FAM184A: variants seen among roughly 807,000 people sequenced by gnomAD.
FAM184A encodes family with sequence similarity 184 member A, also known as protein FAM184A.
FAM184A carries 99 observed loss-of-function variants against 143.8 expected under a neutral mutation model. That is an observed-to-expected ratio of 0.69 (90% CI 0.58 to 0.81). The LOEUF (loss-of-function observed/expected upper bound fraction) is 0.81, where lower values mean the gene tolerates loss of function less well. Among genes scored for constraint, FAM184A ranks in the 40% least tolerant of loss-of-function variants. The pLI is 0.00. For missense variants in FAM184A, 1,217 were observed against 1,310.5 expected, an observed-to-expected ratio of 0.93 and a Z score of 1.10; for synonymous variants, 427 against 446.4, an observed-to-expected ratio of 0.96 and a Z score of 0.55.
At chr6:119,094,379 CA>C (rs1172477595) in intron 1 of FAM184A, among the ~76,000 whole-genome samples, 2 of 151,688 alleles carry the variant, frequency 1.3e-5, no homozygotes, top group Non-Finnish European at 2.9e-5. Context: ...TGGCATTTCA[CA>C]AAAGCCAGTC....
At chr6:118,975,311 T>C (rs1264745250) in intron 12 of FAM184A, 103 bp from the exon 13 acceptor site, 46 of 840,504 alleles carry the variant, frequency 5.5e-5, no homozygotes, top group Non-Finnish European at 7.7e-5. Context: ...AATGTAATCA[T>C]TCTGACATTG....
In FAM184A at chr6:119,006,613, AAGTAAAT is replaced by A. The variant is rs2114648441; in HGVS notation, c.1654-12_1654-6del. The A allele has an allele frequency of 6.2e-7, 1 of 1,604,700 alleles. No homozygotes were observed. Among genetic ancestry groups the A allele is most frequent in the African/African-American group, 1.3e-5 (1 of 74,508 alleles). On this transcript the variant is annotated splice_region_variant and splice_polypyrimidine_tract_variant and intron_variant, in intron 6 of 17. Transcript: ENST00000338891. Reference sequence around the variant, plus strand: ...CATATCTTGGAGGTGGCCAATCTGTAAGTAAATAGAGTACTTTTAATATATTTCATTG... The same window carrying A: ...CATATCTTGGAGGTGGCCAATCTGTAAGAGTACTTTTAATATATTTCATTG...
At chr6:119,080,667 C>T (rs1451473070), upstream of FAM184A, among the ~76,000 whole-genome samples, 1 of 152,190 alleles carries the variant, frequency 6.6e-6, no homozygotes, top group African/African-American at 2.4e-5. Context: ...ACTGGTTGAG[C>T]TTCCCAAATC....
chr6:119,055,314 T>C (rs1786923136), intron 1 of FAM184A, among the ~76,000 whole-genome samples: 1 of 152,234 alleles, frequency 6.6e-6, no homozygotes, highest in African/African-American at 2.4e-5. Flanking sequence ...AGTTGGGTTG[T>C]TTCCATTCTT....
At position 119,024,042 on chromosome 6, in the gene FAM184A, T is replaced by C. The variant is rs769859030; in HGVS notation, c.931A>G (p.Met311Val). The C allele has an allele frequency of 3.1e-6, 5 of 1,614,114 alleles. No individual in the cohort carries two copies. The East Asian group carries it at 6.7e-5, about 22-fold the overall frequency. Residue 311 changes from methionine to valine, a missense_variant, in exon 2 of 18, where the codon ATG (methionine) becomes GTG (valine). Physicochemically the swap from Met to Val is conservative, Grantham distance 21. Transcript: ENST00000338891. ...AGACTTCCAGCTTCATCCTGTACCATCTGTAACTCTGTCTTTAATTTTCCT... is the reference window on the plus strand; with the variant it reads ...AGACTTCCAGCTTCATCCTGTACCACCTGTAACTCTGTCTTTAATTTTCCT... ...TIGKLKTELQ[M>V]VQDEAGSLLD... is the part of the protein sequence containing the mutation.
chr6:118,998,874 G>A (rs143752591), intron 9 of FAM184A, among the ~76,000 whole-genome samples: 3 of 152,322 alleles, frequency 2.0e-5, no homozygotes, highest in Non-Finnish European at 4.4e-5. Flanking sequence ...ATTGTGGTAG[G>A]TAGTCACCAG....
At chr6:119,025,439 C>T in intron 1 of FAM184A, 2 of 518,530 alleles carry the variant, frequency 3.9e-6, no homozygotes, top group Non-Finnish European at 7.7e-6. Flanking sequence ...TACTTTTTCT[C>T]TTCATATTTC....
At chr6:119,072,717 A>C (rs1452386264) in intron 1 of FAM184A, among the ~76,000 whole-genome samples, 1 of 152,206 alleles carries the variant, frequency 6.6e-6, no homozygotes, top group Non-Finnish European at 1.5e-5. Flanking sequence ...TCAAATACTT[A>C]TAATGTAGAC....
At chr6:119,145,278 G>A (rs964187303) in intron 1 of FAM184A, among the ~76,000 whole-genome samples, 3 of 152,166 alleles carry the variant, frequency 2.0e-5, no homozygotes, top group African/African-American at 7.2e-5. Flanking sequence ...TCCTCCCATT[G>A]TCTGCTAGGC....
At chr6:119,113,741 G>A (rs187993752) in intron 1 of FAM184A, among the ~76,000 whole-genome samples, 10 of 152,136 alleles carry the variant, frequency 6.6e-5, no homozygotes, top group African/African-American at 2.2e-4. Context: ...AGGAGTTCGA[G>A]CCAGCCTGGC....
At chr6:119,027,820 AC>A (rs1240567275) in intron 1 of FAM184A, among the ~76,000 whole-genome samples, 2 of 152,168 alleles carry the variant, frequency 1.3e-5, no homozygotes, top group African/African-American at 4.8e-5. Flanking sequence ...TTTAGCTATT[AC>A]CCTTTGTTTT....
intron 1 of FAM184A, among the ~76,000 whole-genome samples, chr6:119,047,143 G>C (rs982228759): frequency 6.6e-6 from 1 of 152,104 alleles, no homozygotes; most frequent in Admixed American, 6.5e-5. Context: ...CAACATTATT[G>C]ATTATCAGAG....
intron 1 of FAM184A, among the ~76,000 whole-genome samples, chr6:119,120,806 CTCTTTCTT>C (rs67153836): frequency 1.5e-5 from 2 of 134,656 alleles, no homozygotes; most frequent in South Asian, 4.7e-4. Flanking sequence ...GATGGTTTTT[CTCTTTCTT>C]TCTTTCTTTC....
At chr6:118,999,565 CTG>C (rs1784684390) in intron 9 of FAM184A, among the ~76,000 whole-genome samples, 1 of 152,152 alleles carries the variant, frequency 6.6e-6, no homozygotes, top group African/African-American at 2.4e-5. Context: ...TGTCACTCCT[CTG>C]TGTTCATCCT....
chr6:119,071,699 A>G (rs1032407865), intron 1 of FAM184A, among the ~76,000 whole-genome samples: 3 of 152,098 alleles, frequency 2.0e-5, no homozygotes, highest in African/African-American at 7.2e-5. Flanking sequence ...GACACAGGGA[A>G]AAGAGGCCTG....
intron 7 of FAM184A, among the ~76,000 whole-genome samples, chr6:119,004,208 G>A (rs1784855060): frequency 6.6e-6 from 1 of 152,238 alleles, no homozygotes; most frequent in African/African-American, 2.4e-5. Flanking sequence ...CCTGGGGATA[G>A]AGGTGACCTG....
chr6:119,130,080 T>C (rs1265085271), intron 1 of FAM184A, among the ~76,000 whole-genome samples: 1 of 152,064 alleles, frequency 6.6e-6, no homozygotes, highest in Non-Finnish European at 1.5e-5. Flanking sequence ...TACTTGGAGA[T>C]TGTCAATATT....
At chr6:119,130,669 A>G (rs1033671437) in intron 1 of FAM184A, among the ~76,000 whole-genome samples, 1 of 152,178 alleles carries the variant, frequency 6.6e-6, no homozygotes, top group African/African-American at 2.4e-5. Flanking sequence ...GGAAATTTAC[A>G]AAGTAATTTG....
At chr6:119,042,765 A>C (rs1582545494) in intron 1 of FAM184A, among the ~76,000 whole-genome samples, 1 of 152,316 alleles carries the variant, frequency 6.6e-6, no homozygotes, top group East Asian at 1.9e-4. Flanking sequence ...GGTGATAATG[A>C]TGTGTCAATG....
Sources: gnomAD v4.1 joint callset for allele counts (sites outside exome capture counted in the v4.1 genomes callset) on GRCh38, gnomAD v4.1.1 for gene constraint, MANE v1.5 for transcripts, NCBI Gene and HGNC (gene_info 2026-07-23, HGNC 2026-07-21) for gene names.